RGPD5: variants seen among roughly 807,000 people sequenced by gnomAD.
RGPD5 encodes the protein RANBP2-like and GRIP domain-containing protein 5/6.
the RGPD5 span, among the ~76,000 whole-genome samples, chr2:109,764,647 G>T: frequency 6.7e-6 from 1 of 148,214 alleles, no homozygotes; most frequent in South Asian, 2.3e-4. Flanking sequence ...CTTGGGTGGA[G>T]GATGGAAAGA....
chr2:109,763,260 T>A, the RGPD5 span, among the ~76,000 whole-genome samples: 1 of 150,516 alleles, frequency 6.6e-6, no homozygotes, highest in Non-Finnish European at 1.5e-5. Flanking sequence ...CAGACACTGT[T>A]CTGAGTACAT....
intron 1 of RGPD5, 46 bp downstream of exon 1, chr2:109,794,583 G>A (rs1676851816): frequency 1.0e-6 from 1 of 963,566 alleles, no homozygotes; most frequent in African/African-American, 1.8e-5. Context: ...ACCCGGCCGG[G>A]GGGCGGCGGC....
At chr2:109,774,505 T>TATATATAATATATAAA in the RGPD5 span, among the ~76,000 whole-genome samples, 1 of 32,092 alleles carries the variant, frequency 3.1e-5, no homozygotes, top group Non-Finnish European at 4.6e-5. Flanking sequence ...CAAACATATA[T>TATATATAATATATAAA]ATATATATAA....
At chr2:109,777,160 A>G in the RGPD5 span, among the ~76,000 whole-genome samples, 3 of 128,476 alleles carry the variant, frequency 2.3e-5, no homozygotes, top group African/African-American at 5.7e-5. Context: ...ACTGTTGAGT[A>G]TGATATTATC....
At chr2:109,761,651 C>T in the RGPD5 span, among the ~76,000 whole-genome samples, 21 of 148,508 alleles carry the variant, frequency 1.4e-4, no homozygotes, top group Admixed American at 5.5e-4. Flanking sequence ...TCTGCTCCCC[C>T]CAACCCGCCA....
chr2:109,774,531 TTATATATAAAATATATATAATATA>T, the RGPD5 span, among the ~76,000 whole-genome samples: 3 of 88,366 alleles, frequency 3.4e-5, no homozygotes, highest in Non-Finnish European at 5.7e-5. Flanking sequence ...ATTATATATA[TTATATATAAAATATATATAATATA>T]TATATGTATG....
the RGPD5 span, among the ~76,000 whole-genome samples, chr2:109,765,462 G>C: frequency 2.0e-5 from 3 of 150,388 alleles, no homozygotes; most frequent in Admixed American, 6.8e-5. Flanking sequence ...GCAAAGGACA[G>C]TGTGTTTTTT....
chr2:109,765,788 G>A, the RGPD5 span, among the ~76,000 whole-genome samples: 3 of 151,004 alleles, frequency 2.0e-5, no homozygotes, highest in African/African-American at 4.9e-5. Context: ...AGTAGTGCCC[G>A]CTGATGCTTT....
chr2:109,774,505 T>TATATATATATATAAAATATATAAA, the RGPD5 span, among the ~76,000 whole-genome samples: 1 of 32,092 alleles, frequency 3.1e-5, no homozygotes, highest in East Asian at 1.1e-3. Flanking sequence ...CAAACATATA[T>TATATATATATATAAAATATATAAA]ATATATATAA....
At chr2:109,766,370 T>G in the RGPD5 span, among the ~76,000 whole-genome samples, 1 of 150,338 alleles carries the variant, frequency 6.7e-6, no homozygotes, top group Non-Finnish European at 1.5e-5. Context: ...GAAAGCTGGG[T>G]GGAGAGACTG....
chr2:109,771,362 G>T, the RGPD5 span, among the ~76,000 whole-genome samples: 15 of 83,596 alleles, frequency 1.8e-4, 3 homozygotes, highest in African/African-American at 9.8e-4. Flanking sequence ...GATAAAGTCC[G>T]TTCTGCCTGA....
At chr2:109,764,566 T>G in the RGPD5 span, among the ~76,000 whole-genome samples, 2 of 149,544 alleles carry the variant, frequency 1.3e-5, 1 homozygote. Flanking sequence ...AATGAGGAAA[T>G]TAAGACAAGA....
the RGPD5 span, among the ~76,000 whole-genome samples, chr2:109,766,265 A>G: frequency 1.3e-5 from 2 of 151,186 alleles, no homozygotes; most frequent in African/African-American, 2.4e-5. Context: ...GGGGCTGCTC[A>G]TCAGCCTGGA....
At chr2:109,765,048 A>G in the RGPD5 span, among the ~76,000 whole-genome samples, 2 of 120,262 alleles carry the variant, frequency 1.7e-5, no homozygotes, top group African/African-American at 3.7e-5. Flanking sequence ...ACAGCTTCAT[A>G]TAAGCCAGAA....
chr2:109,772,486 C>CA, the RGPD5 span, among the ~76,000 whole-genome samples: 1 of 85,096 alleles, frequency 1.2e-5, no homozygotes, highest in Non-Finnish European at 2.3e-5. Flanking sequence ...TAAGGAAAGG[C>CA]AAAGAGGTGA....
chr2:109,764,408 T>C, the RGPD5 span, among the ~76,000 whole-genome samples: 6 of 147,524 alleles, frequency 4.1e-5, no homozygotes, highest in Non-Finnish European at 8.9e-5. Context: ...ATAATGACCA[T>C]CCCTTTTAAC....
the RGPD5 span, among the ~76,000 whole-genome samples, chr2:109,777,635 CTGAA>C: frequency 1.7e-5 from 2 of 119,182 alleles, no homozygotes; most frequent in Non-Finnish European, 3.5e-5. Flanking sequence ...TGCATATTCT[CTGAA>C]TGATAGTCCT....
the RGPD5 span, among the ~76,000 whole-genome samples, chr2:109,762,308 CTAT>C: frequency 2.7e-5 from 4 of 149,414 alleles, no homozygotes; most frequent in Non-Finnish European, 1.5e-5. Flanking sequence ...TTACAGATAC[CTAT>C]TATTTTATAG....
chr2:109,778,504 G>T, the RGPD5 span, among the ~76,000 whole-genome samples: 4 of 150,042 alleles, frequency 2.7e-5, no homozygotes, highest in Admixed American at 2.7e-4. Context: ...GACAACTCCA[G>T]AAGACCAGCT....
Sources: gnomAD v4.1 joint callset for allele counts (sites outside exome capture counted in the v4.1 genomes callset) on GRCh38, gnomAD v4.1.1 for gene constraint, MANE v1.5 for transcripts, NCBI Gene and HGNC (gene_info 2026-07-23, HGNC 2026-07-21) for gene names.